Variants in MORN5 observed in about 807,000 individuals in gnomAD.
The protein encoded by MORN5 is MORN repeat-containing protein 5.
MORN5 carries 21 observed loss-of-function variants against 22.1 expected under a neutral mutation model. The observed-to-expected ratio is 0.95, with a 90% CI of 0.67 to 1.37. The LOEUF is 1.37. MORN5 is among the 40% of genes most tolerant of loss of function. The pLI is 0.00. For synonymous variants in MORN5, 73 were observed against 74.0 expected (o/e 0.99, Z 0.07); for missense variants, 211 against 215.1 (o/e 0.98, Z 0.12).
chr9:122,162,038 T>G (rs575960005), intron 1 of MORN5, among the ~76,000 whole-genome samples: 1 of 152,240 alleles, frequency 6.6e-6, no homozygotes, highest in Non-Finnish European at 1.5e-5. Context: ...TTAACAACAG[T>G]TAACTAGAAT....
intron 4 of MORN5, among the ~76,000 whole-genome samples, chr9:122,191,260 A>G (rs1486980221): frequency 6.6e-6 from 1 of 151,762 alleles, no homozygotes; most frequent in Non-Finnish European, 1.5e-5. Flanking sequence ...CCACTCCCAC[A>G]CTCACGCACA....
At chr9:122,179,620 C>G (rs563521695) in intron 4 of MORN5, among the ~76,000 whole-genome samples, 1 of 152,082 alleles carries the variant, frequency 6.6e-6, no homozygotes, top group Non-Finnish European at 1.5e-5. Context: ...GCCCTTCCAA[C>G]CTTAAGTAAG....
chr9:122,194,368 C>T (rs138464783), intron 4 of MORN5, among the ~76,000 whole-genome samples: 1 of 152,326 alleles, frequency 6.6e-6, no homozygotes, highest in African/African-American at 2.4e-5. Flanking sequence ...CTGGAGCTTA[C>T]AGTCTGGATA....
chr9:122,179,172 A>C (rs1382713111), intron 4 of MORN5, among the ~76,000 whole-genome samples: 1 of 152,224 alleles, frequency 6.6e-6, no homozygotes, highest in Non-Finnish European at 1.5e-5. Flanking sequence ...CATGTCATAA[A>C]TAGGGAGCTC....
At chr9:122,195,241 C>T (rs914680767) in intron 4 of MORN5, among the ~76,000 whole-genome samples, 3 of 152,126 alleles carry the variant, frequency 2.0e-5, no homozygotes, top group East Asian at 3.8e-4. Flanking sequence ...AGAGAATTCT[C>T]GCAAAGATAG....
rs1395627135 is a variant in MORN5, at chr9:122,166,741, C to A, written c.48-27C>A. 1.9e-6 allele frequency: 3 copies of A among 1,603,770 alleles called. No individual in the cohort carries two copies. In the South Asian group the frequency reaches 3.4e-5, roughly 18 times the overall value. On this transcript the variant is annotated intron_variant, in intron 1 of 4. Transcript: ENST00000373764. Reference sequence around the variant, plus strand: ...CTGATCCTCCAGCTGTCACACAGGGCTCAGTGATTTCCCTGTGTCTTTACA... The same window carrying A: ...CTGATCCTCCAGCTGTCACACAGGGATCAGTGATTTCCCTGTGTCTTTACA...
At position 122,197,859 on chromosome 9, in the gene MORN5, G is replaced by A. The variant is rs1230395230; in HGVS notation, c.440-2026G>A. Reference sequence around the variant, plus strand: ...ACTCCTTGTGTGCTGACACATCATCGCTGCTTTCCCCACCCCTGGATTTCC... The same window carrying A: ...ACTCCTTGTGTGCTGACACATCATCACTGCTTTCCCCACCCCTGGATTTCC... On this transcript the variant is annotated intron_variant, in intron 4 of 4. Coordinates refer to ENST00000373764, the MANE Select transcript of MORN5 (RefSeq NM_198469.4). This position sits in a 1 kb window ranked among gnomAD's most constrained non-coding sequence, Gnocchi z 5.7. Among the ~76,000 whole-genome samples the A allele has an allele frequency of 1.3e-5, 2 of 152,178 alleles. No individual in the cohort carries two copies. The highest frequency in any genetic ancestry group is 2.4e-5 in the African/African-American group (1 of 41,442).
intron 2 of MORN5, among the ~76,000 whole-genome samples, chr9:122,167,604 T>G (rs1254933585): frequency 6.6e-6 from 1 of 152,102 alleles, no homozygotes; most frequent in Non-Finnish European, 1.5e-5. Flanking sequence ...CATGATGAGT[T>G]TGCATCTGTT....
intron 4 of MORN5, among the ~76,000 whole-genome samples, chr9:122,188,235 C>T (rs751595300): frequency 2.2e-4 from 34 of 152,166 alleles, no homozygotes; most frequent in Non-Finnish European, 4.3e-4. Context: ...AAGTGGGTAG[C>T]GGTCAAGGCT....
intron 4 of MORN5, among the ~76,000 whole-genome samples, chr9:122,184,060 G>A (rs1564420479): frequency 6.6e-6 from 1 of 152,202 alleles, no homozygotes; most frequent in Non-Finnish European, 1.5e-5. Flanking sequence ...GGAAGATGGC[G>A]ATGATGGTGG....
chr9:122,180,850 C>G (rs1334572367), intron 4 of MORN5, among the ~76,000 whole-genome samples: 1 of 152,214 alleles, frequency 6.6e-6, no homozygotes, highest in East Asian at 1.9e-4. Context: ...CTGGGAGCAG[C>G]TTGAGGGCAG....
Position 122,165,395 on chromosome 9 carries a change from C to CAAAA in MORN5, c.48-1351_48-1348dup, listed in dbSNP as rs59306308. On this transcript the variant is annotated intron_variant, in intron 1 of 4. Coordinates refer to ENST00000373764, the MANE Select transcript of MORN5 (RefSeq NM_198469.4). Reference sequence around the variant, plus strand: ...GCAACATAGGGAAACCCCGTCTCTACAAAAAAAAAAAAAAAAAAAAAAAAA... The same window carrying CAAAA: ...GCAACATAGGGAAACCCCGTCTCTACAAAAAAAAAAAAAAAAAAAAAAAAAAAAA... 3.6e-3 allele frequency among the ~76,000 whole-genome samples: 302 copies of CAAAA among 82,816 alleles called. 4 individuals are homozygous for CAAAA. Among genetic ancestry groups the CAAAA allele is most frequent in the African/African-American group, 0.011 (194 of 17,328 alleles). 54.3% of individuals were successfully genotyped at this position (82,816 alleles called of 152,430 possible).
At chr9:122,193,574 A>C (rs1049760827) in intron 4 of MORN5, among the ~76,000 whole-genome samples, 1 of 152,172 alleles carries the variant, frequency 6.6e-6, no homozygotes, top group African/African-American at 2.4e-5. Context: ...ACAGAGCGAG[A>C]CTCCGTCTCA....
chr9:122,166,707 C>T (rs1157636733), intron 1 of MORN5, 61 bp from the exon 2 acceptor site: 20 of 1,505,932 alleles, frequency 1.3e-5, no homozygotes, highest in Non-Finnish European at 1.8e-5. Flanking sequence ...ACTCTGTTGC[C>T]TGCCAGCTCT....
At chr9:122,187,260 G>A (rs1417318542) in intron 4 of MORN5, among the ~76,000 whole-genome samples, 1 of 152,198 alleles carries the variant, frequency 6.6e-6, no homozygotes, top group Non-Finnish European at 1.5e-5. Flanking sequence ...AGGAGCCAGT[G>A]TTACCATGGC....
At chr9:122,188,260 A>T (rs1025949638) in intron 4 of MORN5, among the ~76,000 whole-genome samples, 1 of 152,246 alleles carries the variant, frequency 6.6e-6, no homozygotes, top group Non-Finnish European at 1.5e-5. Flanking sequence ...CTCTGAAGAC[A>T]GACTTGGCTA....
At chr9:122,174,684 C>T in intron 4 of MORN5, 57 bp downstream of exon 4, 3 of 1,612,288 alleles carry the variant, frequency 1.9e-6, no homozygotes, top group Middle Eastern at 1.7e-4. Flanking sequence ...TGAGTATGTG[C>T]ATCTGTATGT....
chr9:122,167,047 C>A (rs567858741), intron 2 of MORN5, 132 bp downstream of exon 2: 3 of 767,722 alleles, frequency 3.9e-6, no homozygotes, highest in Non-Finnish European at 5.8e-6. Context: ...TTCTCCCCCA[C>A]TCCCCCCACT....
At chr9:122,180,194 A>G (rs1201982180) in intron 4 of MORN5, among the ~76,000 whole-genome samples, 1 of 151,930 alleles carries the variant, frequency 6.6e-6, no homozygotes, top group Non-Finnish European at 1.5e-5. Context: ...GCAGTAAGGA[A>G]TGTTTTACAT....
Sources: gnomAD v4.1 joint callset for allele counts (sites outside exome capture counted in the v4.1 genomes callset) on GRCh38, gnomAD v4.1.1 for gene constraint, Gnocchi (gnomAD v3.1) non-coding constraint, MANE v1.5 for transcripts, NCBI Gene and HGNC (gene_info 2026-07-23, HGNC 2026-07-21) for gene names.